MFSD11: variants seen among roughly 807,000 people sequenced by gnomAD.
MFSD11 encodes the protein major facilitator superfamily domain containing 11.
MFSD11 carries 36 observed loss-of-function variants against 53.5 expected under a neutral mutation model. The ratio of observed to expected loss-of-function variants is 0.67; its 90% CI spans 0.52 to 0.89. MFSD11 has a LOEUF of 0.89. MFSD11 is among the 40% of genes least tolerant of loss of function. The pLI, the probability that MFSD11 is intolerant of heterozygous loss-of-function variation, is 0.00. For missense variants in MFSD11, 530 were observed against 543.9 expected, an observed-to-expected ratio of 0.97 and a Z score of 0.25; for synonymous variants, 186 against 184.9, an observed-to-expected ratio of 1.01 and a Z score of -0.05.
chr17:76,762,580 G>A (rs561865677), intron 8 of MFSD11, among the ~76,000 whole-genome samples: 4 of 150,896 alleles, frequency 2.7e-5, no homozygotes, highest in South Asian at 4.2e-4. Context: ...GGTGTGAACC[G>A]AGGAGGTGGA....
chr17:76,794,202 G>C, the MFSD11 span, among the ~76,000 whole-genome samples: 1 of 151,272 alleles, frequency 6.6e-6, no homozygotes, highest in Non-Finnish European at 1.5e-5. Context: ...ATCTCATCTG[G>C]GCTGGGTGTG....
At chr17:76,784,878 A>C (rs1018272297), downstream of MFSD11, among the ~76,000 whole-genome samples, 16 of 152,136 alleles carry the variant, frequency 1.1e-4, no homozygotes, top group African/African-American at 3.9e-4. Context: ...CAGCCTGGGC[A>C]ACAGAGTGAG....
At position 76,764,551 on chromosome 17, in the gene MFSD11, G is replaced by T. The variant is rs2080633459; in HGVS notation, c.683-2835G>T. Among the ~76,000 whole-genome samples the T allele has an allele frequency of 3.9e-5, 6 of 152,178 alleles. No individual in the cohort carries two copies. The South Asian group carries it at 1.2e-3, about 32-fold the overall frequency. On this transcript the variant is annotated intron_variant, in intron 8 of 12. Transcript: ENST00000685175. ...ATTTCACTTAGCGTAATGCTCTTCA[G>T]GTTCATCCACGTTGCCCTAAATGGC...
At chr17:76,774,406 T>A (rs2081631824) in intron 10 of MFSD11, among the ~76,000 whole-genome samples, 1 of 152,180 alleles carries the variant, frequency 6.6e-6, no homozygotes, top group Non-Finnish European at 1.5e-5. Flanking sequence ...ACTTTTGATA[T>A]ATAGGTTTGC....
intron 10 of MFSD11, among the ~76,000 whole-genome samples, chr17:76,772,257 CAA>C (rs1458572668): frequency 6.6e-6 from 1 of 151,628 alleles, no homozygotes; most frequent in Non-Finnish European, 1.5e-5. Flanking sequence ...CCCATCTCTA[CAA>C]AAAAAGTACA....
the MFSD11 span, among the ~76,000 whole-genome samples, chr17:76,794,211 T>C: frequency 0.066 from 9,926 of 151,344 alleles, 1,455 homozygotes; most frequent in African/African-American, 0.23. Context: ...GGGCTGGGTG[T>C]GGTGGCTCAC....
At chr17:76,759,678 C>T (rs1437323844) in intron 8 of MFSD11, among the ~76,000 whole-genome samples, 2 of 147,322 alleles carry the variant, frequency 1.4e-5, no homozygotes, top group Non-Finnish European at 3.0e-5. Context: ...AGGATGGTCT[C>T]GATCTCCTGA....
chr17:76,761,062 G>A (rs62086795), intron 8 of MFSD11, among the ~76,000 whole-genome samples: 17,503 of 151,902 alleles, frequency 0.12, 1,322 homozygotes, highest in African/African-American at 0.21. Flanking sequence ...AAAATTAGCC[G>A]CACACGGTGG....
chr17:76,775,109 G>A lies in MFSD11; in HGVS notation c.987G>A (p.Met329Ile). ...CTTTTTATCTAATATTTCTCAACATGCCTGGAGATGCCCCGATTGCTCCTG... is the reference window on the plus strand; with the variant it reads ...CTTTTTATCTAATATTTCTCAACATACCTGGAGATGCCCCGATTGCTCCTG... ...FIAFYLIFLN[M>I]PGDAPIAPVK... is the part of the protein sequence containing the mutation. Residue 329 changes from methionine (M) to isoleucine (I), a missense_variant, in exon 11 of 13, where the codon ATG becomes ATA. Transcript: ENST00000685175. The A allele has an allele frequency of 6.2e-7, 1 of 1,614,036 alleles. No homozygotes were observed. The highest frequency in any genetic ancestry group is 8.5e-7 in the Non-Finnish European group (1 of 1,179,940).
chr17:76,794,141 T>C, the MFSD11 span, among the ~76,000 whole-genome samples: 1 of 151,334 alleles, frequency 6.6e-6, no homozygotes, highest in African/African-American at 2.5e-5. Flanking sequence ...ATGTGATAAT[T>C]TGCTATAGCA....
chr17:76,758,581 C>CA (rs56750819), intron 8 of MFSD11, among the ~76,000 whole-genome samples: 13,090 of 57,314 alleles, frequency 0.23, 1,981 homozygotes, highest in African/African-American at 0.41. Flanking sequence ...GACCAGGTCT[C>CA]AAAAAAAAAA....
chr17:76,788,207 A>AT, the MFSD11 span, among the ~76,000 whole-genome samples: 1 of 148,794 alleles, frequency 6.7e-6, no homozygotes, highest in Non-Finnish European at 1.5e-5. Flanking sequence ...CACCTGGCTA[A>AT]TTTTTTGTAT....
Position 76,754,067 on chromosome 17 carries a change from CA to C in MFSD11, c.665del (p.Lys222ArgfsTer3), listed in dbSNP as rs753399840. The C allele has an allele frequency of 6.2e-7, 1 of 1,613,200 alleles. No individual in the cohort carries two copies. Among genetic ancestry groups the C allele is most frequent in the Non-Finnish European group, 8.5e-7 (1 of 1,179,366 alleles). ...CTCAGGTCTGCCCAGAACAATCTGACAAAGGCAGTAGATGCTTTTAGTAAGT... is the reference window on the plus strand; with the variant it reads ...CTCAGGTCTGCCCAGAACAATCTGACAAGGCAGTAGATGCTTTTAGTAAGT... ...EVNESAQNNL[T>X]KAVDAFKKSF... On this transcript the variant is annotated frameshift_variant, in exon 8 of 13. Coordinates refer to ENST00000685175, the MANE Select transcript of MFSD11 (RefSeq NM_001242532.5). LOFTEE classifies it high-confidence loss of function.
chr17:76,755,775 T>TATATATGTAC (rs2079514820), intron 8 of MFSD11, among the ~76,000 whole-genome samples: 4 of 89,334 alleles, frequency 4.5e-5, no homozygotes, highest in Non-Finnish European at 7.1e-5. Context: ...TGTACGTGTG[T>TATATATGTAC]GTGTGTGTGT....
intron 12 of MFSD11, among the ~76,000 whole-genome samples, chr17:76,777,110 A>G (rs1442504860): frequency 6.6e-6 from 1 of 152,086 alleles, no homozygotes; most frequent in Non-Finnish European, 1.5e-5. Context: ...TACTAAAAAT[A>G]CAAAAAAATT....
the MFSD11 span, among the ~76,000 whole-genome samples, chr17:76,797,013 CA>C: frequency 6.6e-6 from 1 of 151,708 alleles, no homozygotes; most frequent in African/African-American, 2.4e-5. Flanking sequence ...ACTAAAAATA[CA>C]AAAAATTAGC....
the MFSD11 span, among the ~76,000 whole-genome samples, chr17:76,796,897 C>T: frequency 4.0e-5 from 6 of 151,400 alleles, no homozygotes; most frequent in South Asian, 2.1e-4. Context: ...CGGTTGGGCA[C>T]GGTGGCTCAT....
intron 7 of MFSD11, among the ~76,000 whole-genome samples, chr17:76,748,523 T>TAA (rs551075064): frequency 7.1e-6 from 1 of 140,270 alleles, no homozygotes. Flanking sequence ...AGTCTCTACT[T>TAA]AAAAAAAAAA....
the MFSD11 span, among the ~76,000 whole-genome samples, chr17:76,795,531 G>C: frequency 6.6e-6 from 1 of 152,016 alleles, no homozygotes; most frequent in Non-Finnish European, 1.5e-5. Flanking sequence ...GATGTGTGTA[G>C]GTTATATGCA....
Sources: allele counts gnomAD v4.1 joint callset (sites outside exome capture counted in the v4.1 genomes callset), GRCh38; gene constraint gnomAD v4.1.1; transcripts MANE v1.5; gene names NCBI Gene and HGNC (gene_info 2026-07-23, HGNC 2026-07-21).